The following LRRK2 variants were observed in gnomAD, a reference collection of about 807,000 sequenced individuals.
LRRK2 encodes leucine-rich repeat serine/threonine-protein kinase 2.
In LRRK2, 203 loss-of-function variants were observed where a neutral mutation model predicts 302.6. The observed-to-expected ratio is 0.67, with a 90% CI of 0.60 to 0.75. The LOEUF (loss-of-function observed/expected upper bound fraction) is 0.75. Ranked by LOEUF, LRRK2 falls within the 30% of genes least tolerant of loss-of-function variation. LRRK2 has a pLI of 0.00. For synonymous variants in LRRK2, 1,066 were observed against 1,031.9 expected, an observed-to-expected ratio of 1.03 and a Z score of -0.63; for missense variants, 2,830 against 2,951.0, an observed-to-expected ratio of 0.96 and a Z score of 0.95.
intron 26 of LRRK2, 121 bp from the exon 27 acceptor site, chr12:40,303,827 T>C (rs1464919408): frequency 1.1e-6 from 1 of 917,030 alleles, no homozygotes; most frequent in Non-Finnish European, 1.7e-6. Flanking sequence ...TACTCATATG[T>C]CAATAATGCT....
chr12:40,232,713 C>T (rs761003035), intron 3 of LRRK2: 4 of 189,668 alleles, frequency 2.1e-5, no homozygotes, highest in Non-Finnish European at 4.4e-5. Flanking sequence ...ATAATAGAAT[C>T]GATACAAACC....
chr12:40,244,705 C>T (rs1039025495), intron 7 of LRRK2, among the ~76,000 whole-genome samples: 4 of 129,538 alleles, frequency 3.1e-5, no homozygotes, highest in Non-Finnish European at 6.2e-5. Context: ...AATACCTTCC[C>T]TTGAACATCA....
chr12:40,313,854 AT>A, intron 31 of LRRK2, 117 bp from the exon 32 acceptor site: 1 of 735,242 alleles, frequency 1.4e-6, no homozygotes, highest in Non-Finnish European at 2.2e-6. Context: ...TTATTTAAAA[AT>A]GTACTTCTGA....
Position 40,225,581 on chromosome 12 carries a change from A to G in LRRK2, c.178A>G (p.Ile60Val). ...CTCCAAGTTATTTCAAGGCAAAAAT[A>G]TCCATGTGCCTCTGTTGATCGTCTT... ...RASKLFQGKN[I>V]HVPLLIVLDS... The change falls in exon 2 of 51, where the codon ATC becomes GTC. Residue 60 changes from isoleucine to valine, a missense_variant. Around this residue, in one of 3 missense-constraint regions of LRRK2, gnomAD observed 2,121 missense variants for 2,148.0 expected, o/e 0.99. Coordinates refer to ENST00000298910, the MANE Select transcript of LRRK2 (RefSeq NM_198578.4). 6.2e-7 allele frequency: 1 copy of G among 1,614,140 alleles called. No homozygotes were observed. The highest frequency in any genetic ancestry group is 8.5e-7 in the Non-Finnish European group (1 of 1,180,004).
At chr12:40,344,511 A>T (rs540079758) in intron 41 of LRRK2, among the ~76,000 whole-genome samples, 2 of 152,314 alleles carry the variant, frequency 1.3e-5, no homozygotes, top group East Asian at 3.9e-4. Context: ...GTGTGGCCTT[A>T]GGAAAATACA....
chr12:40,340,158 CTTAACT>C (rs1285632252), intron 40 of LRRK2, 130 bp from the exon 41 acceptor site: 2 of 824,092 alleles, frequency 2.4e-6, no homozygotes, highest in Middle Eastern at 2.3e-4. Flanking sequence ...TACAATATCT[CTTAACT>C]TTAAGGGACA....
At chr12:40,341,447 A>T (rs893062678) in intron 41 of LRRK2, among the ~76,000 whole-genome samples, 4 of 151,892 alleles carry the variant, frequency 2.6e-5, no homozygotes, top group Non-Finnish European at 5.9e-5. Flanking sequence ...ATACATATAT[A>T]CTCTTTTGTT....
chr12:40,226,185 A>G (rs1406859519), intron 2 of LRRK2, among the ~76,000 whole-genome samples: 3 of 152,204 alleles, frequency 2.0e-5, no homozygotes, highest in African/African-American at 7.2e-5. Flanking sequence ...CATAGTTTGC[A>G]ACTGTTGTCA....
At chr12:40,288,425 C>A (rs903503338) in intron 20 of LRRK2, among the ~76,000 whole-genome samples, 1 of 151,752 alleles carries the variant, frequency 6.6e-6, no homozygotes, top group African/African-American at 2.4e-5. Context: ...CTTCCCCTGG[C>A]CCCCCTGACC....
chr12:40,347,033 TTG>T lies in LRRK2; in HGVS notation c.6280+112_6280+113del. The T allele has an allele frequency of 6.7e-6, 6 of 891,592 alleles. No homozygotes were observed. In the African/African-American group the frequency reaches 6.9e-5, roughly 10 times the overall value. 55.2% of individuals were successfully genotyped at this position (891,592 alleles called of 1,614,324 possible). On this transcript the variant is annotated intron_variant, in intron 42 of 50. Coordinates refer to ENST00000298910, the MANE Select transcript of LRRK2 (RefSeq NM_198578.4). ...TTCCTTAAACAGATGATCATTTTTT[TTG>T]TTTAGTGCATAAATATTCTTAAATC... is the stretch of plus-strand genomic sequence containing the variant.
intron 4 of LRRK2, among the ~76,000 whole-genome samples, chr12:40,236,778 C>A (rs1941484782): frequency 6.6e-6 from 1 of 152,140 alleles, no homozygotes; most frequent in Admixed American, 6.6e-5. Flanking sequence ...CATTTCACTA[C>A]AGCTTTTTAT....
intron 2 of LRRK2, among the ~76,000 whole-genome samples, chr12:40,228,347 AT>A (rs1353183182): frequency 3.7e-5 from 4 of 109,270 alleles, no homozygotes; most frequent in Non-Finnish European, 5.8e-5. Context: ...GAAGTTTAGG[AT>A]TTTTTTTTCA....
At chr12:40,331,690 A>G (rs182260370) in intron 39 of LRRK2, among the ~76,000 whole-genome samples, 137 of 152,286 alleles carry the variant, frequency 9.0e-4, no homozygotes, top group Non-Finnish European at 1.2e-3. Context: ...CCTGTGGGCC[A>G]CAAGTTGGAC....
chr12:40,307,781 C>CTTTTTTTTT (rs201473630), intron 28 of LRRK2, among the ~76,000 whole-genome samples: 6 of 119,410 alleles, frequency 5.0e-5, no homozygotes, highest in South Asian at 2.7e-4. Context: ...CTTTTCTTTT[C>CTTTTTTTTT]TTTTTTTTTT....
chr12:40,299,314 G>A (rs1944531504), intron 25 of LRRK2, 57 bp downstream of exon 25: 1 of 1,553,308 alleles, frequency 6.4e-7, no homozygotes, highest in South Asian at 1.1e-5. Context: ...TACAAGATGA[G>A]TCATATATGG....
intron 12 of LRRK2, 41 bp downstream of exon 12, chr12:40,257,418 G>C: frequency 1.3e-6 from 2 of 1,584,206 alleles, no homozygotes; most frequent in Non-Finnish European, 1.7e-6. Flanking sequence ...ATATCATATT[G>C]GGCCAGGTAG....
At chr12:40,258,304 A>G (rs1327457086) in intron 12 of LRRK2, among the ~76,000 whole-genome samples, 1 of 152,202 alleles carries the variant, frequency 6.6e-6, no homozygotes, top group Non-Finnish European at 1.5e-5. Flanking sequence ...GTAGGGTTAC[A>G]CTGTTTTTAA....
rs369257775 is a variant in LRRK2 at position 40,231,004 on chromosome 12, G to C, written c.238-1270G>C. Among the ~76,000 whole-genome samples the C allele has an allele frequency of 3.3e-5, 5 of 152,152 alleles. No homozygotes were observed. In the East Asian group the frequency reaches 9.7e-4, roughly 29 times the overall value. On this transcript the variant is annotated intron_variant, in intron 2 of 50. Coordinates refer to ENST00000298910, the MANE Select transcript of LRRK2 (RefSeq NM_198578.4). ...GAAATCTGGAGGGAGCCATTGAGGA[G>C]TTCTACCTCCTGTCTATTTTATAGA...
intron 14 of LRRK2, among the ~76,000 whole-genome samples, chr12:40,264,256 T>C (rs1339637165): frequency 1.3e-5 from 2 of 152,200 alleles, no homozygotes; most frequent in African/African-American, 4.8e-5. Context: ...CTTTCTGTCC[T>C]CTGGCTACTT....
Sources: allele counts gnomAD v4.1 joint callset (sites outside exome capture counted in the v4.1 genomes callset), GRCh38; gene constraint gnomAD v4.1.1; regional missense constraint gnomAD v4.1.1; transcripts MANE v1.5; gene names NCBI Gene and HGNC (gene_info 2026-07-23, HGNC 2026-07-21).